The following FAAP100 variants were observed in gnomAD, a reference collection of about 807,000 sequenced individuals.
FAAP100 encodes Fanconi anemia core complex-associated protein 100.
Under a neutral mutation model 65.8 loss-of-function variants are expected in FAAP100, and 46 were observed. The ratio of observed to expected loss-of-function variants is 0.70; its 90% CI spans 0.55 to 0.89. The LOEUF (loss-of-function observed/expected upper bound fraction) is 0.89, where lower values mean the gene tolerates loss of function less well. FAAP100 is among the 40% of genes least tolerant of loss of function. The pLI, the probability that FAAP100 is intolerant of heterozygous loss-of-function variation, is 0.00. For missense variants in FAAP100, 1,165 were observed against 1,196.7 expected (o/e 0.97, Z 0.39); for synonymous variants, 663 against 555.1 (o/e 1.19, Z -2.73).
chr17:81,550,617 G>A lies in FAAP100; in HGVS notation c.877C>T (p.Gln293Ter), dbSNP rs2033455054. Reference protein sequence around the residue: ...IFIGALKTEPQAAEAAENFLP... With the variant: ...IFIGALKTEP ...AAATTCTCTGCAGCTTCTGCAGCCT[G>A]TGGCTCTGTCTTCAAGGCCCCTATG... Residue 293 changes from glutamine to a stop codon, truncating the protein, a stop_gained, in exon 3 of 9, where the codon CAG (glutamine) becomes TAG (stop). Transcript: ENST00000327787. LOFTEE classifies it high-confidence loss of function. 3.1e-6 allele frequency: 5 copies of A among 1,612,886 alleles called. No individual in the cohort carries two copies. Among genetic ancestry groups the A allele is most frequent in the African/African-American group, 2.7e-5 (2 of 74,938 alleles).
chr17:81,552,440 T>A (rs1369883312), upstream of FAAP100: 10 of 1,073,050 alleles, frequency 9.3e-6, no homozygotes, highest in Non-Finnish European at 1.2e-5. Flanking sequence ...CGTAAAGCGG[T>A]CGGCGGTGCC....
intron 4 of FAAP100, among the ~76,000 whole-genome samples, chr17:81,548,893 A>G (rs1249972408): frequency 6.6e-6 from 1 of 151,704 alleles, no homozygotes; most frequent in Non-Finnish European, 1.5e-5. Context: ...ACCAAAAATT[A>G]GCCGGGCGTG....
chr17:81,539,908 T>G lies in FAAP100; in HGVS notation c.*911A>C. 2.5e-6 allele frequency: 1 copy of G among 398,634 alleles called. No homozygotes were observed. The highest frequency in any genetic ancestry group is 4.4e-6 in the Non-Finnish European group (1 of 226,124). The allele number at this position is 398,634 out of a possible 1,614,324, so 24.7% of individuals were successfully genotyped here. A position where few individuals can be genotyped will look rare whatever the true frequency, so the allele number is the denominator to read the frequency against. ...CCTGAAGGTTCACGGACAGACAGGGTCGTTTGTCACAGCAGAGAAGCACCT... is the reference window on the plus strand; with the variant it reads ...CCTGAAGGTTCACGGACAGACAGGGGCGTTTGTCACAGCAGAGAAGCACCT... On this transcript the variant is annotated 3_prime_UTR_variant, in exon 9 of 9. Coordinates refer to ENST00000327787, the MANE Select transcript of FAAP100 (RefSeq NM_025161.6).
chr17:81,551,831 C>G, intron 2 of FAAP100, 97 bp downstream of exon 2: 6 of 1,394,842 alleles, frequency 4.3e-6, no homozygotes, highest in Non-Finnish European at 5.5e-6. Flanking sequence ...CTGGCGGCAG[C>G]CCGGGTCCCC....
Position 81,546,930 on chromosome 17 carries a change from C to A in FAAP100, c.2152G>T (p.Ala718Ser). ...IKVSAELLRA[A>S]LKDGHSGVPL... is the part of the protein sequence containing the mutation. ...CAACCTGAGTGGCCGTCCTTCAAGGCAGCTCTGAGCAGCTCCGCCGACACC... is the reference window on the plus strand; with the variant it reads ...CAACCTGAGTGGCCGTCCTTCAAGGAAGCTCTGAGCAGCTCCGCCGACACC... The change falls in exon 5 of 9, where the codon GCC becomes TCC. Residue 718 changes from alanine (A) to serine (S), a missense_variant. Transcript: ENST00000327787. 1 of 1,424,056 alleles carries A rather than the reference C, an allele frequency of 7.0e-7. No homozygotes were observed. The highest frequency in any genetic ancestry group is 9.2e-7 in the Non-Finnish European group (1 of 1,083,286). 88.2% of individuals were successfully genotyped at this position (1,424,056 alleles called of 1,614,324 possible). A position where few individuals can be genotyped will look rare whatever the true frequency, so the allele number is the denominator to read the frequency against.
intron 7 of FAAP100, 82 bp from the exon 8 acceptor site, chr17:81,541,477 C>T (rs930271792): frequency 2.4e-6 from 3 of 1,252,136 alleles, no homozygotes; most frequent in Non-Finnish European, 3.4e-6. Context: ...GACCCTCTCC[C>T]TCGAGCTGCC....
At chr17:81,544,938 G>A (rs554367216) in intron 6 of FAAP100, among the ~76,000 whole-genome samples, 45 of 152,306 alleles carry the variant, frequency 3.0e-4, no homozygotes, top group African/African-American at 9.6e-4. Flanking sequence ...AGAGGGTGAG[G>A]TGGGCGGATC....
At position 81,547,596 on chromosome 17, in the gene FAAP100, G is replaced by A. The variant is rs1598596339; in HGVS notation, c.1486C>T (p.Leu496=). Residue 496 remains leucine (L), a synonymous_variant, in exon 5 of 9, where the codon CTG becomes TTG. Transcript: ENST00000327787. ...LNEAMNVSCA[L]LSSGTGPRPI... ...CTGGGGCCCGTGCCGCTTGACAGCA[G>A]TGCACAGCTCACGTTCATGGCCTCG... is the stretch of plus-strand genomic sequence containing the variant. 2 of 1,613,452 alleles carry A rather than the reference G, an allele frequency of 1.2e-6. No individual in the cohort carries two copies. Among genetic ancestry groups the A allele is most frequent in the African/African-American group, 2.7e-5 (2 of 74,942 alleles).
Position 81,547,580 on chromosome 17 carries a change from G to A in FAAP100, c.1502C>T (p.Thr501Met), listed in dbSNP as rs150686100. Residue 501 changes from threonine to methionine, a missense_variant, in exon 5 of 9, where the codon ACG becomes ATG. By Grantham distance (81) the Thr-to-Met change is moderately conservative. Coordinates refer to ENST00000327787, the MANE Select transcript of FAAP100 (RefSeq NM_025161.6). ...GGTGCAGGAGATGGGTCTGGGGCCC[G>A]TGCCGCTTGACAGCAGTGCACAGCT... is the stretch of plus-strand genomic sequence containing the variant. ...NVSCALLSSG[T>M]GPRPISCTTS... The A allele has an allele frequency of 2.2e-5, 36 of 1,613,364 alleles. No homozygotes were observed. The highest frequency in any genetic ancestry group is 2.7e-5 in the Non-Finnish European group (32 of 1,180,038).
At chr17:81,545,954 G>A in intron 5 of FAAP100, 72 bp from the exon 6 acceptor site, 1 of 1,524,802 alleles carries the variant, frequency 6.6e-7, no homozygotes, top group East Asian at 2.4e-5. Flanking sequence ...TACCAGGTGG[G>A]CATCTGCATA....
chr17:81,550,561 G>A lies in FAAP100; in HGVS notation c.933C>T (p.Cys311=). Residue 311 remains cysteine (C), a synonymous_variant, in exon 3 of 9, where the codon TGC becomes TGT. Coordinates refer to ENST00000327787, the MANE Select transcript of FAAP100 (RefSeq NM_025161.6). ...FLPDEDVHCD[C]LVAFGHHGRM... ...GGCCGTGGTGACCAAAGGCCACCAGGCAGTCACAGTGCACATCCTCGTCAG... is the reference window on the plus strand; with the variant it reads ...GGCCGTGGTGACCAAAGGCCACCAGACAGTCACAGTGCACATCCTCGTCAG... 6.2e-7 allele frequency: 1 copy of A among 1,612,922 alleles called. No homozygotes were observed. The highest frequency in any genetic ancestry group is 8.5e-7 in the Non-Finnish European group (1 of 1,180,032).
Position 81,547,498 on chromosome 17 carries a change from C to G in FAAP100, c.1584G>C (p.Val528=), listed in dbSNP as rs2033352416. Reference sequence around the variant, plus strand: ...GGCTGAAGCTGCTGCTGTTCTCTAGCACGCAGGTGGCCATGAGCACATCCT... The same window carrying G: ...GGCTGAAGCTGCTGCTGTTCTCTAGGACGCAGGTGGCCATGAGCACATCCT... ...QTQDVLMATC[V]LENSSSFSLD... The change falls in exon 5 of 9, where the codon GTG becomes GTC. Residue 528 remains valine (V), a synonymous_variant. Coordinates refer to ENST00000327787, the MANE Select transcript of FAAP100 (RefSeq NM_025161.6). 1.9e-6 allele frequency: 3 copies of G among 1,613,334 alleles called. No homozygotes were observed. The highest frequency in any genetic ancestry group is 2.5e-6 in the Non-Finnish European group (3 of 1,180,044).
At position 81,540,828 on chromosome 17, in the gene FAAP100, G is replaced by C. The variant is rs746901538; in HGVS notation, c.2637C>G (p.Ile879Met). 1.3e-6 allele frequency: 2 copies of C among 1,532,050 alleles called. No homozygotes were observed. The highest frequency in any genetic ancestry group is 4.9e-5 in the East Asian group (2 of 40,748). The allele number at this position is 1,532,050 out of a possible 1,614,324, so 94.9% of individuals were successfully genotyped here. Reference protein sequence around the residue: ...VYRQLRHPSLILL With the variant: ...VYRQLRHPSLMLL The stretch of plus-strand genomic sequence containing the variant: ...GGGCAGGCCCGCCTGGTCACAGCAG[G>C]ATGAGGCTGGGGTGGCGCAGCTGCC... Residue 879 changes from isoleucine to methionine, a missense_variant, in exon 9 of 9, where the codon ATC becomes ATG. Transcript: ENST00000327787.
chr17:81,551,752 C>G lies in FAAP100; in HGVS notation c.290+176G>C, dbSNP rs2033503346. ...CTTACTAAGGACTGTGAGCAAGACA[C>G]TTGCAGAAAGAGTGCTGGGGGCAGG... On this transcript the variant is annotated intron_variant, in intron 2 of 8. Transcript: ENST00000327787. 2.9e-6 allele frequency: 4 copies of G among 1,365,590 alleles called. No homozygotes were observed. In the South Asian group the frequency reaches 5.2e-5, roughly 18 times the overall value. 84.6% of individuals were successfully genotyped at this position (1,365,590 alleles called of 1,614,324 possible). A position where few individuals can be genotyped will look rare whatever the true frequency, so the allele number is the denominator to read the frequency against.
Position 81,540,969 on chromosome 17 carries a change from C to T in FAAP100, c.2515-19G>A, listed in dbSNP as rs1437483465. On this transcript the variant is annotated intron_variant, in intron 8 of 8. Coordinates refer to ENST00000327787, the MANE Select transcript of FAAP100 (RefSeq NM_025161.6). ...GCAGTGTCTGCAGGTGAAGCAGACACAGCTCAGGCCCCCCACCTGGCCCTG... is the reference window on the plus strand; with the variant it reads ...GCAGTGTCTGCAGGTGAAGCAGACATAGCTCAGGCCCCCCACCTGGCCCTG... 1.9e-6 allele frequency: 3 copies of T among 1,557,512 alleles called. No individual in the cohort carries two copies. Among genetic ancestry groups the T allele is most frequent in the African/African-American group, 2.7e-5 (2 of 73,936 alleles).
intron 4 of FAAP100, chr17:81,548,062 T>C (rs2143953396): frequency 6.0e-6 from 4 of 666,676 alleles, no homozygotes; most frequent in Non-Finnish European, 1.1e-5. Context: ...ATGTTCCTAG[T>C]GGGCCTCTTT....
upstream of FAAP100, chr17:81,552,441 C>T (rs1003978832): frequency 2.8e-6 from 3 of 1,056,988 alleles, no homozygotes; most frequent in Admixed American, 4.3e-5. Flanking sequence ...GTAAAGCGGT[C>T]GGCGGTGCCG....
chr17:81,541,245 G>C lies in FAAP100; in HGVS notation c.2514+64C>G, dbSNP rs559340182. On this transcript the variant is annotated intron_variant, in intron 8 of 8. Coordinates refer to ENST00000327787, the MANE Select transcript of FAAP100 (RefSeq NM_025161.6). ...GCGGACCCCGAGTGACTAGAGGGGG[G>C]CCTGGCGATGGGCGCTCCTGGCTAC... 307 of 1,488,168 alleles carry C rather than the reference G, an allele frequency of 2.1e-4. 5 individuals carry two copies. The East Asian group carries it at 6.9e-3, about 34-fold the overall frequency. 92.2% of individuals were successfully genotyped at this position (1,488,168 alleles called of 1,614,324 possible).
intron 7 of FAAP100, among the ~76,000 whole-genome samples, chr17:81,542,990 T>C (rs2033172221): frequency 6.6e-6 from 1 of 152,168 alleles, no homozygotes; most frequent in South Asian, 2.1e-4. Flanking sequence ...CCCATCGTGG[T>C]GCCGTGAGAT....
Sources: gnomAD v4.1 joint callset for allele counts (sites outside exome capture counted in the v4.1 genomes callset) on GRCh38, gnomAD v4.1.1 for gene constraint, MANE v1.5 for transcripts, NCBI Gene and HGNC (gene_info 2026-07-23, HGNC 2026-07-21) for gene names.